The following PTPRA variants were observed in gnomAD, a reference collection of about 807,000 sequenced individuals.
PTPRA encodes the protein receptor-type tyrosine-protein phosphatase alpha.
In PTPRA, 25 loss-of-function variants were observed where a neutral mutation model predicts 104.8. The observed-to-expected ratio is 0.24, with a 90% CI of 0.17 to 0.33. The LOEUF (loss-of-function observed/expected upper bound fraction) is 0.33. Ranked by LOEUF, PTPRA falls within the 10% of genes least tolerant of loss-of-function variation. The pLI, the probability that PTPRA is intolerant of heterozygous loss-of-function variation, is 1.00. For synonymous variants in PTPRA, 323 were observed against 368.9 expected (o/e 0.88, Z 1.43); for missense variants, 765 against 1,015.3 (o/e 0.75, Z 3.35).
intron 1 of PTPRA, among the ~76,000 whole-genome samples, chr20:2,910,577 AGTTTTTTTTTT>A (rs1243754294): frequency 0.012 from 462 of 38,360 alleles, 14 homozygotes; most frequent in African/African-American, 0.041. Context: ...ATGCCCAGCT[AGTTTTTTTTTT>A]GTTTTTTTTT....
intron 6 of PTPRA, among the ~76,000 whole-genome samples, chr20:2,977,592 C>G (rs570634278): frequency 6.6e-6 from 1 of 151,272 alleles, no homozygotes. Context: ...TTGCAGTGAG[C>G]CAAGATTGCG....
chr20:2,938,779 A>AT (rs1330787869), intron 2 of PTPRA, among the ~76,000 whole-genome samples: 1 of 152,042 alleles, frequency 6.6e-6, no homozygotes, highest in Non-Finnish European at 1.5e-5. Flanking sequence ...GGTACTCCTT[A>AT]TGTCTTCTAT....
chr20:2,970,721 T>C (rs2062151104), intron 5 of PTPRA, among the ~76,000 whole-genome samples: 1 of 152,140 alleles, frequency 6.6e-6, no homozygotes, highest in African/African-American at 2.4e-5. Flanking sequence ...TCAGTTTAGG[T>C]TTTCTAGGAA....
At chr20:3,019,019 C>T (rs955616898) in intron 13 of PTPRA, among the ~76,000 whole-genome samples, 4 of 135,456 alleles carry the variant, frequency 3.0e-5, no homozygotes, top group Admixed American at 7.1e-5. Flanking sequence ...GGCAGCTGGC[C>T]GGGCGGGGGG....
the PTPRA span, chr20:2,865,439 G>A: frequency 1.2e-6 from 2 of 1,614,184 alleles, no homozygotes; most frequent in Non-Finnish European, 1.7e-6. The surrounding 1 kb of genome is among the most constrained non-coding windows in gnomAD (Gnocchi z 5.2). Context: ...AGATTTGGAA[G>A]ATTGGGAAGA....
rs180983484 is a variant in PTPRA, at chr20:2,908,190, A to T, written c.-128-15017A>T. Among the ~76,000 whole-genome samples the T allele has an allele frequency of 3.3e-5, 5 of 152,114 alleles. 1 individual carries two copies. In the Middle Eastern group the frequency reaches 0.01, roughly 310 times the overall value. ...TTTAAATTTTCAAATTTTTCTGACC[A>T]TTGCTTTCCTGTGAATCGGAAATAC... On this transcript the variant is annotated intron_variant, in intron 1 of 23. Transcript: ENST00000399903.
At chr20:2,879,947 A>G (rs955400950) in intron 1 of PTPRA, among the ~76,000 whole-genome samples, 1 of 152,202 alleles carries the variant, frequency 6.6e-6, no homozygotes, top group Non-Finnish European at 1.5e-5. Flanking sequence ...TTCCATTGTT[A>G]AGTGATGCAT....
At chr20:3,033,409 C>T (rs1437334901) in intron 20 of PTPRA, among the ~76,000 whole-genome samples, 2 of 151,956 alleles carry the variant, frequency 1.3e-5, no homozygotes, top group African/African-American at 2.4e-5. Context: ...TTTTCTCCAG[C>T]GTAACTGCTG....
intron 1 of PTPRA, among the ~76,000 whole-genome samples, chr20:2,882,572 G>T (rs1196314495): frequency 6.6e-6 from 1 of 152,060 alleles, no homozygotes; most frequent in Admixed American, 6.5e-5. Flanking sequence ...GGGATTACAG[G>T]CATGAGCCAC....
chr20:2,932,432 G>A (rs879256701), intron 2 of PTPRA, among the ~76,000 whole-genome samples: 2 of 152,132 alleles, frequency 1.3e-5, no homozygotes, highest in Non-Finnish European at 1.5e-5. Flanking sequence ...TAGAACATCC[G>A]TGTCTATTTG....
At position 2,873,781 on chromosome 20, in the gene PTPRA, C is replaced by G. The variant is rs1438001649; in HGVS notation, c.-129+21C>G. On this transcript the variant is annotated intron_variant, in intron 1 of 23. Transcript: ENST00000399903. The surrounding 1 kb of genome is among the most constrained non-coding windows in gnomAD (Gnocchi z 4.4). ...ACTCTGTGAGTGTTCGCGGCCGCTG[C>G]GCCCGGGTGGGCTCCGGAAGGGGGA... 6.6e-6 allele frequency: 1 copy of G among 152,088 alleles called. No individual in the cohort carries two copies. Among genetic ancestry groups the G allele is most frequent in the Non-Finnish European group, 1.5e-5 (1 of 68,006 alleles). The allele number at this position is 152,088 out of a possible 1,614,324, so 9.4% of individuals were successfully genotyped here. A position where few individuals can be genotyped will look rare whatever the true frequency, so the allele number is the denominator to read the frequency against.
At chr20:2,900,626 C>T (rs950683875) in intron 1 of PTPRA, among the ~76,000 whole-genome samples, 3 of 151,968 alleles carry the variant, frequency 2.0e-5, no homozygotes, top group Middle Eastern at 3.4e-3. Context: ...GAGGCCGGGG[C>T]GGGTGGATCA....
chr20:2,910,590 TTTTTTTTTTG>T lies in PTPRA; in HGVS notation c.-128-12608_-128-12599del, dbSNP rs1286928271. ...TCATGCCCAGCTAGTTTTTTTTTTG[TTTTTTTTTTG>T]TTTTTTTTAATTTTTTTTTTTTTTT... On this transcript the variant is annotated intron_variant, in intron 1 of 23. Coordinates refer to ENST00000399903, the MANE Select transcript of PTPRA (RefSeq NM_001385305.1). 1.8e-3 allele frequency among the ~76,000 whole-genome samples: 83 copies of T among 46,184 alleles called. 1 individual carries two copies. Among genetic ancestry groups the T allele is most frequent in the Non-Finnish European group, 2.4e-3 (72 of 30,360 alleles). 30.3% of individuals were successfully genotyped at this position (46,184 alleles called of 152,430 possible).
chr20:2,989,418 C>T (rs555095187), intron 9 of PTPRA, among the ~76,000 whole-genome samples: 6 of 152,108 alleles, frequency 3.9e-5, no homozygotes, highest in African/African-American at 7.2e-5. Context: ...GGCGACAGAG[C>T]GAGACTCCAT....
chr20:2,987,992 C>T (rs2148143370), intron 7 of PTPRA, 40 bp from the exon 8 acceptor site: 4 of 1,500,526 alleles, frequency 2.7e-6, no homozygotes, highest in Non-Finnish European at 3.7e-6. Flanking sequence ...CCTCTCCCAC[C>T]TCTGTGCTCC....
chr20:2,900,717 C>T (rs1276841959), intron 1 of PTPRA, among the ~76,000 whole-genome samples: 1 of 151,468 alleles, frequency 6.6e-6, no homozygotes, highest in Non-Finnish European at 1.5e-5. Context: ...ATTAGCTGGG[C>T]GTGGTGGCAG....
At chr20:2,915,513 C>G (rs2059869040) in intron 1 of PTPRA, among the ~76,000 whole-genome samples, 1 of 151,224 alleles carries the variant, frequency 6.6e-6, no homozygotes, top group Non-Finnish European at 1.5e-5. Flanking sequence ...GATAACTAGA[C>G]CCTTATCAGA....
chr20:2,982,474 ATTGT>A (rs2062722611), intron 6 of PTPRA, among the ~76,000 whole-genome samples: 1 of 151,974 alleles, frequency 6.6e-6, no homozygotes, highest in Non-Finnish European at 1.5e-5. Context: ...AACGTAATCC[ATTGT>A]TTGTTTTGTG....
At chr20:3,006,024 T>G (rs1264422761) in intron 10 of PTPRA, among the ~76,000 whole-genome samples, 1 of 148,254 alleles carries the variant, frequency 6.7e-6, no homozygotes, top group Non-Finnish European at 1.5e-5. Context: ...TGTGAAAATG[T>G]TTTTTTTTTA....
Sources: allele counts gnomAD v4.1 joint callset (sites outside exome capture counted in the v4.1 genomes callset), GRCh38; gene constraint gnomAD v4.1.1; non-coding constraint Gnocchi (gnomAD v3.1); transcripts MANE v1.5; gene names NCBI Gene and HGNC (gene_info 2026-07-23, HGNC 2026-07-21).